ESPN: variants seen among roughly 807,000 people sequenced by gnomAD.
ESPN encodes the protein espin.
Under a neutral mutation model 77.7 loss-of-function variants are expected in ESPN, and 68 were observed. That is an observed-to-expected ratio of 0.87 (90% CI 0.72 to 1.07). The LOEUF (loss-of-function observed/expected upper bound fraction) is 1.07, where lower values mean the gene tolerates loss of function less well. ESPN is among the 50% of genes least tolerant of loss of function. The pLI, the probability that ESPN is intolerant of heterozygous loss-of-function variation, is 0.00. For missense variants in ESPN, 1,060 were observed against 1,239.0 expected (o/e 0.86, Z 2.17); for synonymous variants, 449 against 567.1 (o/e 0.79, Z 2.96).
intron 2 of ESPN, among the ~76,000 whole-genome samples, chr1:6,439,028 C>T (rs1643530300): frequency 1.3e-5 from 2 of 152,228 alleles, no homozygotes; most frequent in Admixed American, 1.3e-4. Flanking sequence ...AGGAGAATGG[C>T]TTGAACCCAG....
chr1:6,452,535 T>C (rs1643968103), intron 10 of ESPN, among the ~76,000 whole-genome samples: 1 of 152,168 alleles, frequency 6.6e-6, no homozygotes, highest in African/African-American at 2.4e-5. Context: ...CAGCTTGTCC[T>C]TGGAAGTGAG....
intron 10 of ESPN, among the ~76,000 whole-genome samples, chr1:6,453,177 A>G (rs897730267): frequency 2.6e-5 from 4 of 152,234 alleles, no homozygotes; most frequent in African/African-American, 9.6e-5. Context: ...TACAGGCGTG[A>G]GCCACCACGC....
chr1:6,429,210 G>C lies in ESPN; in HGVS notation c.488+791G>C, dbSNP rs561976130. On this transcript the variant is annotated intron_variant, in intron 2 of 12. Coordinates refer to ENST00000645284, the MANE Select transcript of ESPN (RefSeq NM_031475.3). ...GGGTAGGGTGCCAGATGCCACAGGG[G>C]TCTGAGCGGGGAGTGGGGTGCTCTG... 3.2e-4 allele frequency among the ~76,000 whole-genome samples: 48 copies of C among 152,114 alleles called. 1 individual carries two copies. In the South Asian group the frequency reaches 1.0e-2, roughly 32 times the overall value.
In ESPN at chr1:6,428,512, G is replaced by A; in HGVS notation, c.488+93G>A. On this transcript the variant is annotated intron_variant, in intron 2 of 12. Transcript: ENST00000645284. The surrounding 1 kb of genome is among the most constrained non-coding windows in gnomAD (Gnocchi z 5.4). The stretch of plus-strand genomic sequence containing the variant: ...TTTCCACGCCTCTCTGGCACTCCAG[G>A]GCAATGATCCCTCCAGTGGCCATCC... 1 of 1,137,556 alleles carries A rather than the reference G, an allele frequency of 8.8e-7. No individual in the cohort carries two copies. The highest frequency in any genetic ancestry group is 1.5e-5 in the South Asian group (1 of 66,036). 70.5% of individuals were successfully genotyped at this position (1,137,556 alleles called of 1,614,324 possible).
rs767542877 is a variant in ESPN at position 6,460,035 on chromosome 1, G to C, written c.2454G>C (p.Arg818=). 3.1e-6 allele frequency: 5 copies of C among 1,613,556 alleles called. No homozygotes were observed. Among genetic ancestry groups the C allele is most frequent in the Non-Finnish European group, 4.2e-6 (5 of 1,180,010 alleles). The change falls in exon 13 of 13, where the codon CGG becomes CGC. Residue 818 remains arginine (R), a synonymous_variant. Transcript: ENST00000645284. ...AGCGACAGAAGCAGGAGGAGCTGCG[G>C]CGGGAGAAGGAACAGTCAGAGAAGC... ...EEERQKQEEL[R]REKEQSEKLR... is the part of the protein sequence containing the mutation.
At chr1:6,458,516 A>G (rs1644093308) in intron 12 of ESPN, among the ~76,000 whole-genome samples, 1 of 149,330 alleles carries the variant, frequency 6.7e-6, no homozygotes. Flanking sequence ...GGGTTTTGCC[A>G]TGTTGGTCAG....
Position 6,445,716 on chromosome 1 carries a change from C to G in ESPN, c.1245C>G (p.Asn415Lys). 1 of 1,612,050 alleles carries G rather than the reference C, an allele frequency of 6.2e-7. No homozygotes were observed. Residue 415 changes from asparagine (N) to lysine (K), a missense_variant, in exon 7 of 13, where the codon AAC becomes AAG. By Grantham distance (94) the Asn-to-Lys change is moderately conservative (BLOSUM62 0). This residue lies in a region of ESPN where 556 missense variants were observed against 633.6 expected (regional missense o/e 0.88). Transcript: ENST00000645284. ...TACAGAGCTACATGGACATGCTGAA[C>G]CCGGAGCTGGGCCTGCCTCGGGGCA... ...ADIQSYMDML[N>K]PELGLPRGTI... is the part of the protein sequence containing the mutation.
Position 6,448,960 on chromosome 1 carries a change from TGCCACCGCCGCCCCCACCGCCGCCGCC to T in ESPN, c.1788_1814del (p.Pro597_Pro605del). 1.4e-6 allele frequency: 2 copies of T among 1,423,832 alleles called. No individual in the cohort carries two copies. Among genetic ancestry groups the T allele is most frequent in the Non-Finnish European group, 1.8e-6 (2 of 1,094,712 alleles). 88.2% of individuals were successfully genotyped at this position (1,423,832 alleles called of 1,614,324 possible). ...GCGGACCCCAAGGCGTCCAGGGAGC[TGCCACCGCCGCCCCCACCGCCGCCGCC>T]GCCCCTGCCGGAGGCCGCGAGTTCG... On this transcript the variant is annotated inframe_deletion, in exon 8 of 13. Coordinates refer to ENST00000645284, the MANE Select transcript of ESPN (RefSeq NM_031475.3).
intron 2 of ESPN, among the ~76,000 whole-genome samples, chr1:6,439,441 G>C (rs1482375276): frequency 6.6e-6 from 1 of 152,330 alleles, no homozygotes; most frequent in African/African-American, 2.4e-5. Flanking sequence ...GGAGGCAAAG[G>C]TCAAAATCAG....
At chr1:6,461,076 C>A (rs1031537951), downstream of ESPN, 1 of 498,448 alleles carries the variant, frequency 2.0e-6, no homozygotes, top group African/African-American at 1.9e-5. The surrounding 1 kb of genome is among the most constrained non-coding windows in gnomAD (Gnocchi z 6.3). Flanking sequence ...TGACAAGATT[C>A]CCGTCCCCTT....
rs534723844 is a variant in ESPN at position 6,435,799 on chromosome 1, T to C, written c.489-4455T>C. ...CCTCCTGGTGGCTGGTCCTCCCAGG[T>C]ACAGGGAAGGATCCTAAAGTTCAGC... On this transcript the variant is annotated intron_variant, in intron 2 of 12. Coordinates refer to ENST00000645284, the MANE Select transcript of ESPN (RefSeq NM_031475.3). Among the ~76,000 whole-genome samples the C allele has an allele frequency of 9.7e-4, 148 of 152,276 alleles. 1 individual carries two copies. Among genetic ancestry groups the C allele is most frequent in the Middle Eastern group, 3.4e-3 (1 of 294 alleles).
At chr1:6,448,571 T>C (rs1643890668) in intron 7 of ESPN, 70 bp from the exon 8 acceptor site, 2 of 1,380,638 alleles carry the variant, frequency 1.4e-6, no homozygotes, top group South Asian at 1.3e-5. Flanking sequence ...GGTGAAGAGC[T>C]GGGTGGGGAG....
At chr1:6,432,990 C>T (rs536195601) in intron 2 of ESPN, among the ~76,000 whole-genome samples, 23 of 151,916 alleles carry the variant, frequency 1.5e-4, no homozygotes, top group African/African-American at 3.4e-4. Flanking sequence ...GGTGTGGTGG[C>T]ACGTGCCTGT....
rs1220416849 is a variant in ESPN at position 6,451,953 on chromosome 1, C to T, written c.2182C>T (p.Pro728Ser). ...GSLVPVPPTT[P>S]APGVQLDVEA... Reference sequence around the variant, plus strand: ...CTTGGTTCCCGTGCCGCCCACTACTCCTGCGCCGGGAGTGCAGCTGGACGT... The same window carrying T: ...CTTGGTTCCCGTGCCGCCCACTACTTCTGCGCCGGGAGTGCAGCTGGACGT... The change falls in exon 10 of 13, where the codon CCT (proline) becomes TCT (serine). Residue 728 changes from proline (P) to serine (S), a missense_variant. By Grantham distance (74) the Pro-to-Ser change is moderately conservative. This residue lies in a region of ESPN where 374 missense variants were observed against 381.4 expected (regional missense o/e 0.98). Transcript: ENST00000645284. The surrounding 1 kb of genome is among the most constrained non-coding windows in gnomAD (Gnocchi z 4.3). 1.4e-5 allele frequency: 22 copies of T among 1,610,726 alleles called. No individual in the cohort carries two copies. Among genetic ancestry groups the T allele is most frequent in the Non-Finnish European group, 1.8e-5 (21 of 1,178,830 alleles).
intron 5 of ESPN, among the ~76,000 whole-genome samples, chr1:6,442,850 A>AAGAAT (rs1643689254): frequency 5.8e-5 from 8 of 138,996 alleles, no homozygotes; most frequent in Admixed American, 1.4e-4. Flanking sequence ...CCTGGGTGAC[A>AAGAAT]GAGCAAGACG....
intron 2 of ESPN, among the ~76,000 whole-genome samples, chr1:6,438,070 A>T (rs1643497415): frequency 6.6e-6 from 1 of 151,766 alleles, no homozygotes; most frequent in Non-Finnish European, 1.5e-5. Flanking sequence ...ACACTGGGGG[A>T]GGTAGATGGG....
chr1:6,451,146 G>C lies in ESPN; in HGVS notation c.1916-457G>C, dbSNP rs571897339. On this transcript the variant is annotated intron_variant, in intron 8 of 12. Transcript: ENST00000645284. This position sits in a 1 kb window ranked among gnomAD's most constrained non-coding sequence, Gnocchi z 4.3. ...GGGTCCGGACTTTATGTCCATGGAG[G>C]CCCCAATTGACTCAGTTCAAGGGTC... Among the ~76,000 whole-genome samples, 4 of 152,332 alleles carry C rather than the reference G, an allele frequency of 2.6e-5. No individual in the cohort carries two copies. Among genetic ancestry groups the C allele is most frequent in the Admixed American group, 2.6e-4 (4 of 15,306 alleles).
intron 8 of ESPN, among the ~76,000 whole-genome samples, chr1:6,449,607 T>C (rs12095686): frequency 0.23 from 34,284 of 152,102 alleles, 8,775 homozygotes; most frequent in African/African-American, 0.63. Context: ...AGACCTGAAG[T>C]CTTCTTAGAT....
chr1:6,460,008 GGAGC>G lies in ESPN; in HGVS notation c.2430_2433del (p.Glu810AspfsTer36). The stretch of plus-strand genomic sequence containing the variant: ...CTCCCCACTGCCTCAGGAAAGAGGA[GGAGC>G]GACAGAAGCAGGAGGAGCTGCGGCG... On this transcript the variant is annotated frameshift_variant, in exon 13 of 13. Transcript: ENST00000645284. LOFTEE classifies it high-confidence loss of function. 2 of 1,613,668 alleles carry G rather than the reference GGAGC, an allele frequency of 1.2e-6. No individual in the cohort carries two copies. Among genetic ancestry groups the G allele is most frequent in the Non-Finnish European group, 1.7e-6 (2 of 1,180,026 alleles).
Sources: allele counts gnomAD v4.1 joint callset (sites outside exome capture counted in the v4.1 genomes callset), GRCh38; gene constraint gnomAD v4.1.1; regional missense constraint gnomAD v4.1.1; non-coding constraint Gnocchi (gnomAD v3.1); transcripts MANE v1.5; gene names NCBI Gene and HGNC (gene_info 2026-07-23, HGNC 2026-07-21).